ATP2B1: variants seen among roughly 807,000 people sequenced by gnomAD.
ATP2B1 encodes the protein plasma membrane calcium-transporting ATPase 1.
ATP2B1 carries 14 observed loss-of-function variants against 124.2 expected under a neutral mutation model. The ratio of observed to expected loss-of-function variants is 0.11; its 90% CI spans 0.07 to 0.18. The LOEUF (loss-of-function observed/expected upper bound fraction) is 0.18. Ranked by LOEUF, ATP2B1 falls within the 10% of genes least tolerant of loss-of-function variation. The pLI is 1.00. For synonymous variants in ATP2B1, 449 were observed against 492.4 expected (o/e 0.91, Z 1.17); for missense variants, 763 against 1,466.1 (o/e 0.52, Z 7.83).
At chr12:89,593,701 C>T (rs914098347) in intron 20 of ATP2B1, 5 of 152,024 alleles carry the variant, frequency 3.3e-5, no homozygotes, top group African/African-American at 1.2e-4. Context: ...CACAATCACA[C>T]ACATACACCG....
chr12:89,700,149 C>T (rs537889889), intron 1 of ATP2B1, among the ~76,000 whole-genome samples: 2 of 151,998 alleles, frequency 1.3e-5, no homozygotes, highest in East Asian at 3.9e-4. Flanking sequence ...CCACTGCGCT[C>T]GGCCAAAGAC....
intron 6 of ATP2B1, among the ~76,000 whole-genome samples, chr12:89,628,885 T>C (rs1477036009): frequency 6.6e-6 from 1 of 151,988 alleles, no homozygotes; most frequent in Admixed American, 6.6e-5. Context: ...CTGAGGGAAC[T>C]GAGACACATT....
intron 1 of ATP2B1, among the ~76,000 whole-genome samples, chr12:89,686,224 T>C (rs1195565671): frequency 6.6e-6 from 1 of 152,142 alleles, no homozygotes; most frequent in Non-Finnish European, 1.5e-5. Context: ...GATTATTTTA[T>C]ACCCTAATCC....
intron 2 of ATP2B1, among the ~76,000 whole-genome samples, chr12:89,655,060 G>GA (rs1418571817): frequency 6.6e-6 from 1 of 151,982 alleles, no homozygotes; most frequent in African/African-American, 2.4e-5. Context: ...ATTCTCAAAA[G>GA]GAAAACCTGC....
rs552731705 is a variant in ATP2B1, at chr12:89,664,668, T to C, written c.-221-8561A>G. Among the ~76,000 whole-genome samples the C allele has an allele frequency of 3.9e-5, 6 of 152,296 alleles. No individual in the cohort carries two copies. In the South Asian group the frequency reaches 1.2e-3, roughly 32 times the overall value. ...CTCACTCAGTTGATCGAACACTTCA[T>C]GAGACTGTCTAACAACTTCTCAGAT... On this transcript the variant is annotated intron_variant, in intron 1 of 20. Coordinates refer to ENST00000428670, the MANE Select transcript of ATP2B1 (RefSeq NM_001366521.1).
At chr12:89,677,954 T>TTATATATATATATGTATGTATA in intron 1 of ATP2B1, among the ~76,000 whole-genome samples, 1 of 68,766 alleles carries the variant, frequency 1.5e-5, no homozygotes, top group South Asian at 5.8e-4. Context: ...CATGCAGGAA[T>TTATATATATATATGTATGTATA]TATATATATA....
At chr12:89,616,772 G>A in intron 12 of ATP2B1, 30 bp downstream of exon 12, 2 of 1,581,956 alleles carry the variant, frequency 1.3e-6, no homozygotes, top group Non-Finnish European at 8.7e-7. Context: ...ATGAGATTCT[G>A]CACATGCAGA....
intron 12 of ATP2B1, among the ~76,000 whole-genome samples, chr12:89,614,851 A>T (rs1274107792): frequency 6.6e-6 from 1 of 152,084 alleles, no homozygotes; most frequent in Non-Finnish European, 1.5e-5. Flanking sequence ...TCCATCTCCT[A>T]TGCCACAACT....
intron 1 of ATP2B1, among the ~76,000 whole-genome samples, chr12:89,673,011 T>A (rs1888179451): frequency 6.6e-6 from 1 of 152,204 alleles, no homozygotes; most frequent in African/African-American, 2.4e-5. Context: ...TTATCTTTCA[T>A]CTCCAAAATC....
chr12:89,621,809 A>AT lies in ATP2B1; in HGVS notation c.1345-19_1345-18insA. 1 of 1,522,646 alleles carries AT rather than the reference A, an allele frequency of 6.6e-7. No individual in the cohort carries two copies. Among genetic ancestry groups the AT allele is most frequent in the Non-Finnish European group, 8.8e-7 (1 of 1,140,318 alleles). The allele number at this position is 1,522,646 out of a possible 1,614,324, so 94.3% of individuals were successfully genotyped here. On this transcript the variant is annotated intron_variant, in intron 9 of 20. Transcript: ENST00000428670. The stretch of plus-strand genomic sequence containing the variant: ...ATCATTTTCTACAGTGACCAAAAAA[A>AT]AAAAACTAGTTAAGCTGCATATAAA...
chr12:89,603,296 A>C lies in ATP2B1; in HGVS notation c.2849-42T>G, dbSNP rs771630385. ...TGACTATTTTGTAATTATCATACCA[A>C]ATTAGATTTCAAGGAGGTATACAAA... On this transcript the variant is annotated intron_variant, in intron 17 of 20. Transcript: ENST00000428670. This position sits in a 1 kb window ranked among gnomAD's most constrained non-coding sequence, Gnocchi z 4.3. 2.1e-6 allele frequency: 3 copies of C among 1,460,754 alleles called. No homozygotes were observed. The South Asian group carries it at 4.0e-5, about 19-fold the overall frequency. 90.5% of individuals were successfully genotyped at this position (1,460,754 alleles called of 1,614,324 possible).
At chr12:89,604,051 A>G in intron 16 of ATP2B1, 104 bp downstream of exon 16, 1 of 1,407,146 alleles carries the variant, frequency 7.1e-7, no homozygotes, top group East Asian at 2.5e-5. Flanking sequence ...TAACTAACCT[A>G]AAATATTAAG....
At chr12:89,610,382 G>A (rs1338635653) in intron 14 of ATP2B1, 39 bp downstream of exon 14, 2 of 1,496,380 alleles carry the variant, frequency 1.3e-6, no homozygotes, top group East Asian at 2.3e-5. Flanking sequence ...ACACATTTCT[G>A]TATTAAGAAA....
intron 5 of ATP2B1, among the ~76,000 whole-genome samples, chr12:89,630,941 TA>T (rs1881775687): frequency 6.6e-6 from 1 of 151,732 alleles, no homozygotes; most frequent in Admixed American, 6.6e-5. Context: ...CTAATTTTTT[TA>T]AAAAAATTTT....
chr12:89,660,152 A>C (rs1257164863), intron 1 of ATP2B1, among the ~76,000 whole-genome samples: 1 of 152,138 alleles, frequency 6.6e-6, no homozygotes, highest in Non-Finnish European at 1.5e-5. Context: ...AAAAGGACCA[A>C]TCTAGAAAGA....
Position 89,622,829 on chromosome 12 carries a change from AG to A in ATP2B1, c.1345-1039del, listed in dbSNP as rs564730556. 1.4e-3 allele frequency among the ~76,000 whole-genome samples: 212 copies of A among 152,310 alleles called. 1 individual carries two copies. Among genetic ancestry groups the A allele is most frequent in the African/African-American group, 4.6e-3 (191 of 41,580 alleles). On this transcript the variant is annotated intron_variant, in intron 9 of 20. Transcript: ENST00000428670. Reference sequence around the variant, plus strand: ...TAAACATCTAATAAAGGCTTAAAAAAGTAGTTAACTTGTTCTTATTAATTTT... The same window carrying A: ...TAAACATCTAATAAAGGCTTAAAAAATAGTTAACTTGTTCTTATTAATTTT...
chr12:89,591,750 A>C (rs562801694), intron 20 of ATP2B1, among the ~76,000 whole-genome samples: 18 of 152,142 alleles, frequency 1.2e-4, no homozygotes, highest in African/African-American at 4.3e-4. Flanking sequence ...GGTGTCACCG[A>C]CCATGAAAAA....
At chr12:89,694,097 C>T (rs1185296174) in intron 1 of ATP2B1, among the ~76,000 whole-genome samples, 2 of 152,174 alleles carry the variant, frequency 1.3e-5, no homozygotes, top group East Asian at 3.8e-4. Context: ...TAATTTGATA[C>T]ATTTCGTCCT....
At chr12:89,601,853 G>A (rs900388125) in intron 18 of ATP2B1, among the ~76,000 whole-genome samples, 1 of 152,018 alleles carries the variant, frequency 6.6e-6, no homozygotes, top group Non-Finnish European at 1.5e-5. Flanking sequence ...CTCTTTTGTA[G>A]AAAAGACTGT....
Sources: gnomAD v4.1 joint callset for allele counts (sites outside exome capture counted in the v4.1 genomes callset) on GRCh38, gnomAD v4.1.1 for gene constraint, Gnocchi (gnomAD v3.1) non-coding constraint, MANE v1.5 for transcripts, NCBI Gene and HGNC (gene_info 2026-07-23, HGNC 2026-07-21) for gene names.